The following STARD3NL variants were observed in gnomAD, a reference collection of about 807,000 sequenced individuals.
The protein encoded by STARD3NL is STARD3 N-terminal-like protein.
STARD3NL carries 17 observed loss-of-function variants against 30.9 expected under a neutral mutation model. The observed-to-expected ratio is 0.55, with a 90% confidence interval of 0.38 to 0.82. The LOEUF is 0.82. Among genes scored for constraint, STARD3NL ranks in the 40% least tolerant of loss-of-function variants. The pLI is 0.00. For missense variants in STARD3NL, 234 were observed against 277.6 expected (o/e 0.84, Z 1.12); for synonymous variants, 112 against 100.5 (o/e 1.11, Z -0.69).
chr7:38,189,518 T>C (rs1338984868), intron 1 of STARD3NL, among the ~76,000 whole-genome samples: 2 of 152,324 alleles, frequency 1.3e-5, no homozygotes, highest in East Asian at 3.9e-4. Context: ...AAGGAGCAAC[T>C]TGGCTTGTAA....
At chr7:38,208,048 C>G (rs762397224) in intron 2 of STARD3NL, among the ~76,000 whole-genome samples, 2 of 152,094 alleles carry the variant, frequency 1.3e-5, no homozygotes, top group Non-Finnish European at 2.9e-5. Context: ...TTTATTGGAA[C>G]GTGGCCAGGC....
intron 1 of STARD3NL, among the ~76,000 whole-genome samples, chr7:38,193,268 A>G (rs1008946285): frequency 2.0e-5 from 3 of 148,328 alleles, no homozygotes; most frequent in African/African-American, 7.5e-5. Context: ...CTGTCCTCCT[A>G]TTAGGATTAG....
chr7:38,215,375 C>G (rs888419185), intron 4 of STARD3NL: 1 of 461,210 alleles, frequency 2.2e-6, no homozygotes, highest in Non-Finnish European at 3.8e-6. Flanking sequence ...CCAAGCCACC[C>G]TCTACCTCAT....
At chr7:38,207,220 C>T (rs1227645698) in intron 1 of STARD3NL, among the ~76,000 whole-genome samples, 3 of 152,166 alleles carry the variant, frequency 2.0e-5, no homozygotes, top group Non-Finnish European at 2.9e-5. Flanking sequence ...AGTCAGTTTG[C>T]TTCTTCTCTC....
chr7:38,197,901 G>A (rs80121042), intron 1 of STARD3NL, among the ~76,000 whole-genome samples: 1,554 of 152,236 alleles, frequency 0.01, 50 homozygotes, highest in East Asian at 0.074. Flanking sequence ...GCTTCACCTC[G>A]GAAGGTGAGG....
intron 1 of STARD3NL, among the ~76,000 whole-genome samples, chr7:38,182,584 C>G (rs1784293616): frequency 6.6e-6 from 1 of 152,144 alleles, no homozygotes; most frequent in Non-Finnish European, 1.5e-5. Context: ...TCCTGGCAGC[C>G]TCTTACATGA....
chr7:38,187,294 A>G (rs988233313), intron 1 of STARD3NL, among the ~76,000 whole-genome samples: 6 of 152,146 alleles, frequency 3.9e-5, no homozygotes, highest in East Asian at 1.9e-4. Flanking sequence ...ACTTATATAC[A>G]TTGTCAAATG....
At chr7:38,213,756 A>G (rs2116318189) in intron 2 of STARD3NL, among the ~76,000 whole-genome samples, 1 of 152,342 alleles carries the variant, frequency 6.6e-6, no homozygotes, top group South Asian at 2.1e-4. Flanking sequence ...GAGAGGACAG[A>G]AAGTTGTATC....
chr7:38,197,252 G>A (rs1335423552), intron 1 of STARD3NL, among the ~76,000 whole-genome samples: 1 of 137,356 alleles, frequency 7.3e-6, no homozygotes, highest in Non-Finnish European at 1.5e-5. Context: ...TTCTTTCAGG[G>A]CCTTGCTCTG....
At chr7:38,214,479 C>A in intron 3 of STARD3NL, 45 bp downstream of exon 3, 1 of 1,264,120 alleles carries the variant, frequency 7.9e-7, no homozygotes, top group Non-Finnish European at 1.1e-6. Context: ...AAAACTGACC[C>A]AAAAGGCAGA....
chr7:38,210,669 G>C (rs1430120988), intron 2 of STARD3NL, among the ~76,000 whole-genome samples: 1 of 152,132 alleles, frequency 6.6e-6, no homozygotes, highest in African/African-American at 2.4e-5. Flanking sequence ...GTTCCCTGAG[G>C]ACTCTTTTCC....
chr7:38,178,786 G>T (rs1784125292), intron 1 of STARD3NL, among the ~76,000 whole-genome samples: 3 of 152,090 alleles, frequency 2.0e-5, no homozygotes, highest in South Asian at 4.2e-4. Context: ...ACCAAGAATT[G>T]GTGACTGGGT....
At chr7:38,182,008 T>C (rs1784268721) in intron 1 of STARD3NL, among the ~76,000 whole-genome samples, 1 of 152,196 alleles carries the variant, frequency 6.6e-6, no homozygotes, top group South Asian at 2.1e-4. Context: ...ACAGAAGCCT[T>C]CTTTTCTCAT....
Position 38,230,252 on chromosome 7 carries a change from A to G in STARD3NL, c.*347A>G, listed in dbSNP as rs1787024633. ...GTAACACTTTTTTAGTAAGCAAGAT[A>G]CCTTTTTATTTCAATTCACAGAATG... On this transcript the variant is annotated 3_prime_UTR_variant, in exon 9 of 9. Coordinates refer to ENST00000009041, the MANE Select transcript of STARD3NL (RefSeq NM_032016.4). 2.0e-5 allele frequency: 3 copies of G among 152,750 alleles called. No individual in the cohort carries two copies. The South Asian group carries it at 6.2e-4, about 32-fold the overall frequency. The allele number at this position is 152,750 out of a possible 1,614,324, so 9.5% of individuals were successfully genotyped here. A position where few individuals can be genotyped will look rare whatever the true frequency, so the allele number is the denominator to read the frequency against.
intron 3 of STARD3NL, 75 bp from the exon 4 acceptor site, chr7:38,214,953 C>CG: frequency 7.6e-7 from 1 of 1,313,542 alleles, no homozygotes; most frequent in Non-Finnish European, 1.1e-6. Context: ...TGAAGACAGT[C>CG]TGGTGAGTTT....
At chr7:38,198,190 C>G (rs1785012673) in intron 1 of STARD3NL, 1 of 152,286 alleles carries the variant, frequency 6.6e-6, no homozygotes, top group African/African-American at 2.4e-5. Flanking sequence ...TAACTATACA[C>G]TATCTTGAAA....
rs189598618 is a variant in STARD3NL at position 38,180,481 on chromosome 7, C to G, written c.-59+2061C>G. Among the ~76,000 whole-genome samples, 193 of 152,314 alleles carry G rather than the reference C, an allele frequency of 1.3e-3. 2 individuals are homozygous for G. The highest frequency in any genetic ancestry group is 0.012 in the Admixed American group (178 of 15,302). On this transcript the variant is annotated intron_variant, in intron 1 of 8. Coordinates refer to ENST00000009041, the MANE Select transcript of STARD3NL (RefSeq NM_032016.4). ...AGTGGATTATTGTTCTTCATTAGAG[C>G]TTGTATTACTGACCAGGAACATAAC...
chr7:38,195,968 C>G (rs1784882146), intron 1 of STARD3NL, among the ~76,000 whole-genome samples: 1 of 152,136 alleles, frequency 6.6e-6, no homozygotes, highest in Non-Finnish European at 1.5e-5. Flanking sequence ...ACTGAGAAAC[C>G]TGATTAGTCA....
At chr7:38,179,748 T>A (rs6975531) in intron 1 of STARD3NL, among the ~76,000 whole-genome samples, 64,729 of 151,800 alleles carry the variant, frequency 0.43, 14,123 homozygotes, top group East Asian at 0.5. Flanking sequence ...GGGTAGAGAG[T>A]TTGAGAGTGA....
Sources: allele counts gnomAD v4.1 joint callset (sites outside exome capture counted in the v4.1 genomes callset), GRCh38; gene constraint gnomAD v4.1.1; transcripts MANE v1.5; gene names NCBI Gene and HGNC (gene_info 2026-07-23, HGNC 2026-07-21).